PIP4P2: variants seen among roughly 807,000 people sequenced by gnomAD.
The protein encoded by PIP4P2 is type 2 phosphatidylinositol 4,5-bisphosphate 4-phosphatase.
A neutral mutation model predicts 33.3 loss-of-function variants in PIP4P2; 19 were observed. The ratio of observed to expected loss-of-function variants is 0.57; its 90% confidence interval spans 0.40 to 0.84. The LOEUF (loss-of-function observed/expected upper bound fraction) is 0.84. Among genes scored for constraint, PIP4P2 ranks in the 40% least tolerant of loss-of-function variants. The pLI, the probability that PIP4P2 is intolerant of heterozygous loss-of-function variation, is 0.00. For missense variants in PIP4P2, 270 were observed against 324.7 expected, an observed-to-expected ratio of 0.83 and a Z score of 1.29; for synonymous variants, 110 against 111.9, an observed-to-expected ratio of 0.98 and a Z score of 0.11.
At chr8:90,999,915 A>G (rs1263111097) in intron 5 of PIP4P2, among the ~76,000 whole-genome samples, 3 of 151,946 alleles carry the variant, frequency 2.0e-5, no homozygotes, top group African/African-American at 4.8e-5. Context: ...TACATGGACT[A>G]TTTCTGACAC....
At chr8:91,014,085 A>C (rs1046160101) in intron 4 of PIP4P2, among the ~76,000 whole-genome samples, 7 of 152,172 alleles carry the variant, frequency 4.6e-5, no homozygotes, top group African/African-American at 1.7e-4. Context: ...CCATAAGGAT[A>C]AAAAAAGAGG....
intron 5 of PIP4P2, among the ~76,000 whole-genome samples, chr8:91,002,949 C>T (rs1178828698): frequency 6.6e-6 from 1 of 151,860 alleles, no homozygotes; most frequent in Non-Finnish European, 1.5e-5. Context: ...CAAAGATATC[C>T]CTAGAAAAGT....
chr8:91,022,689 T>G lies in PIP4P2; in HGVS notation c.107-1285A>C, dbSNP rs1812028086. Among the ~76,000 whole-genome samples the G allele has an allele frequency of 2.0e-5, 3 of 152,210 alleles. No individual in the cohort carries two copies. The South Asian group carries it at 6.2e-4, about 32-fold the overall frequency. On this transcript the variant is annotated intron_variant, in intron 1 of 6. Transcript: ENST00000285419. The stretch of plus-strand genomic sequence containing the variant: ...ATTAGGTCCTAAACTTTGTGATATT[T>G]TAAAAAGAATTAGAGCATAAAACAT...
intron 4 of PIP4P2, among the ~76,000 whole-genome samples, chr8:91,013,282 G>T (rs1811864367): frequency 6.6e-6 from 1 of 152,028 alleles, no homozygotes; most frequent in African/African-American, 2.4e-5. Flanking sequence ...GTGGCTACAA[G>T]GATTATCCAT....
chr8:91,019,395 C>CAA (rs71510466), intron 3 of PIP4P2, among the ~76,000 whole-genome samples: 372 of 19,676 alleles, frequency 0.019, 62 homozygotes, highest in African/African-American at 0.081. Context: ...CCTGTCTCTA[C>CAA]AAAAAAAAAA....
chr8:91,009,013 C>T (rs1456198234), intron 4 of PIP4P2, among the ~76,000 whole-genome samples: 1 of 152,110 alleles, frequency 6.6e-6, no homozygotes, highest in East Asian at 1.9e-4. Flanking sequence ...TTCCAATGCT[C>T]TGACGCAATC....
intron 5 of PIP4P2, 57 bp from the exon 6 acceptor site, chr8:90,996,801 T>C: frequency 7.1e-7 from 1 of 1,409,824 alleles, no homozygotes; most frequent in Non-Finnish European, 9.7e-7. Context: ...AATTCTCTAT[T>C]TCATTTTTGT....
intron 4 of PIP4P2, among the ~76,000 whole-genome samples, chr8:91,014,544 T>C (rs1273706972): frequency 6.6e-6 from 1 of 152,016 alleles, no homozygotes; most frequent in Non-Finnish European, 1.5e-5. Flanking sequence ...GTAAAATAGT[T>C]TAATTCATAG....
chr8:91,016,127 C>A (rs867769562), intron 4 of PIP4P2, among the ~76,000 whole-genome samples: 2 of 152,138 alleles, frequency 1.3e-5, no homozygotes, highest in African/African-American at 2.4e-5. Context: ...TGAAGAGGAA[C>A]CTCTACTTTA....
chr8:90,996,878 G>A (rs1811635889), intron 5 of PIP4P2, 134 bp from the exon 6 acceptor site: 1 of 684,868 alleles, frequency 1.5e-6, no homozygotes, highest in Non-Finnish European at 2.4e-6. Context: ...TTACAGACAA[G>A]AACATGCATT....
At position 91,020,253 on chromosome 8, in the gene PIP4P2, T is replaced by C. The variant is rs981471929; in HGVS notation, c.266A>G (p.Asn89Ser). 1 of 1,611,674 alleles carries C rather than the reference T, an allele frequency of 6.2e-7. No homozygotes were observed. The highest frequency in any genetic ancestry group is 8.5e-7 in the Non-Finnish European group (1 of 1,178,652). ...TVCNEATPIK[N>S]PPTGKKYVRC... ...AACATATTTCTTGCCTGTTGGGGGG[T>C]TTTTGATTGGCTGGATAAGGGAAGA... The change falls in exon 3 of 7, where the codon AAC (asparagine) becomes AGC (serine). Residue 89 changes from asparagine to serine, a missense_variant. Asn to Ser is a conservative substitution (Grantham distance 46). Transcript: ENST00000285419.
In PIP4P2 at chr8:90,995,680, T is replaced by C. The variant is rs1170000877; in HGVS notation, c.771A>G (p.Ala257=). 3 of 1,609,768 alleles carry C rather than the reference T, an allele frequency of 1.9e-6. No individual in the cohort carries two copies. The South Asian group carries it at 3.3e-5, about 18-fold the overall frequency. Residue 257 remains alanine (A), a synonymous_variant, in exon 7 of 7, where the codon GCA becomes GCG. Coordinates refer to ENST00000285419, the MANE Select transcript of PIP4P2 (RefSeq NM_018710.3). ...CATTACTGAATCATAAACAAGCTTA[T>C]GCAAAACTGTGTTCTGGATAACTGA... ...IRVSYPEHSF[A]
At chr8:91,034,138 T>C (rs1207615458) in intron 1 of PIP4P2, among the ~76,000 whole-genome samples, 2 of 152,116 alleles carry the variant, frequency 1.3e-5, no homozygotes, top group Non-Finnish European at 2.9e-5. Context: ...CCCTCACAGG[T>C]TGCTTTATTT....
At position 90,994,940 on chromosome 8, in the gene PIP4P2, T is replaced by C. The variant is rs1811608772; in HGVS notation, c.*737A>G. The C allele has an allele frequency of 6.6e-6, 1 of 152,108 alleles. No homozygotes were observed. The highest frequency in any genetic ancestry group is 2.4e-5 in the African/African-American group (1 of 41,438). The allele number at this position is 152,108 out of a possible 1,614,324, so 9.4% of individuals were successfully genotyped here. Reference sequence around the variant, plus strand: ...TAAATTCCATAATCCAGACCAGATCTTTTATAAATGGTAAATAAAAAGGCA... The same window carrying C: ...TAAATTCCATAATCCAGACCAGATCCTTTATAAATGGTAAATAAAAAGGCA... On this transcript the variant is annotated 3_prime_UTR_variant, in exon 7 of 7. Transcript: ENST00000285419.
At chr8:91,010,067 T>A (rs186659444) in intron 4 of PIP4P2, among the ~76,000 whole-genome samples, 151 of 151,950 alleles carry the variant, frequency 9.9e-4, no homozygotes, top group Non-Finnish European at 3.7e-4. Flanking sequence ...ATAATATCAA[T>A]TTGCAACAAG....
intron 1 of PIP4P2, among the ~76,000 whole-genome samples, chr8:91,022,768 G>A (rs1250728632): frequency 1.3e-5 from 2 of 152,094 alleles, no homozygotes; most frequent in Admixed American, 1.3e-4. Flanking sequence ...TTATAATATA[G>A]GATTTTTTTC....
intron 6 of PIP4P2, 21 bp from the exon 7 acceptor site, chr8:90,995,841 A>T (rs1811621988): frequency 6.3e-7 from 1 of 1,585,390 alleles, no homozygotes; most frequent in East Asian, 2.2e-5. Flanking sequence ...AAGCAATATA[A>T]AAACAAAATA....
intron 1 of PIP4P2, among the ~76,000 whole-genome samples, chr8:91,038,538 C>G (rs549308490): frequency 4.6e-5 from 7 of 152,186 alleles, no homozygotes; most frequent in African/African-American, 1.7e-4. Flanking sequence ...CTCCCTAATA[C>G]AATATAGTCT....
intron 1 of PIP4P2, among the ~76,000 whole-genome samples, chr8:91,031,560 C>T (rs1812164440): frequency 6.6e-6 from 1 of 152,180 alleles, no homozygotes; most frequent in African/African-American, 2.4e-5. Context: ...GCCTAAATAT[C>T]TCAATATGAG....
Sources: gnomAD v4.1 joint callset for allele counts (sites outside exome capture counted in the v4.1 genomes callset) on GRCh38, gnomAD v4.1.1 for gene constraint, MANE v1.5 for transcripts, NCBI Gene and HGNC (gene_info 2026-07-23, HGNC 2026-07-21) for gene names.